The following EYS variants were observed in gnomAD, a reference collection of about 807,000 sequenced individuals.
EYS encodes protein eyes shut homolog.
A neutral mutation model predicts 282.1 loss-of-function variants in EYS; 250 were observed. That is an observed-to-expected ratio of 0.89 (90% CI 0.80 to 0.98). The LOEUF is 0.98. EYS is among the 50% of genes least tolerant of loss of function. The pLI, the probability that EYS is intolerant of heterozygous loss-of-function variation, is 0.00. For synonymous variants in EYS, 1,355 were observed against 1,282.9 expected, an observed-to-expected ratio of 1.06 and a Z score of -1.20; for missense variants, 4,016 against 3,709.0, an observed-to-expected ratio of 1.08 and a Z score of -2.15.
intron 29 of EYS, among the ~76,000 whole-genome samples, chr6:64,361,239 G>A (rs971604583): frequency 6.6e-6 from 1 of 151,306 alleles, no homozygotes; most frequent in South Asian, 2.1e-4. Context: ...TATGTGCAAG[G>A]CCCTGTCCAA....
At chr6:64,038,883 C>T (rs1770252304) in intron 33 of EYS, among the ~76,000 whole-genome samples, 1 of 151,990 alleles carries the variant, frequency 6.6e-6, no homozygotes, top group Non-Finnish European at 1.5e-5. Context: ...TGGCTCACTG[C>T]AACCTCCGCC....
At position 64,310,590 on chromosome 6, in the gene EYS, T is replaced by C. The variant is rs1386194923; in HGVS notation, c.6079-3508A>G. Among the ~76,000 whole-genome samples, 3 of 151,774 alleles carry C rather than the reference T, an allele frequency of 2.0e-5. No homozygotes were observed. In the South Asian group the frequency reaches 6.2e-4, roughly 32 times the overall value. On this transcript the variant is annotated intron_variant, in intron 29 of 42. Transcript: ENST00000503581. ...ACTAGGTCTATTGCCTATTGGAGGGTAGAGGGTGGAAGAAGGGAGAGGATG... is the reference window on the plus strand; with the variant it reads ...ACTAGGTCTATTGCCTATTGGAGGGCAGAGGGTGGAAGAAGGGAGAGGATG...
At chr6:64,923,022 G>A (rs1259876164) in intron 15 of EYS, among the ~76,000 whole-genome samples, 1 of 151,842 alleles carries the variant, frequency 6.6e-6, no homozygotes, top group Non-Finnish European at 1.5e-5. Flanking sequence ...CTTTTTTTGG[G>A]GTGGGACTTT....
intron 14 of EYS, among the ~76,000 whole-genome samples, chr6:64,979,203 T>C (rs559864942): frequency 6.6e-6 from 1 of 151,968 alleles, no homozygotes; most frequent in Admixed American, 6.6e-5. Context: ...ATTCGCTTTA[T>C]TGCAGTAGAC....
chr6:64,350,109 T>C (rs1434300813), intron 29 of EYS, among the ~76,000 whole-genome samples: 1 of 151,546 alleles, frequency 6.6e-6, no homozygotes, highest in Non-Finnish European at 1.5e-5. Flanking sequence ...TAAGTCATTT[T>C]GGCAATTTTA....
intron 2 of EYS, among the ~76,000 whole-genome samples, chr6:65,596,739 T>C (rs1049199931): frequency 6.6e-6 from 1 of 152,114 alleles, no homozygotes; most frequent in Non-Finnish European, 1.5e-5. Flanking sequence ...TACATCATTT[T>C]CTTACTTTTT....
intron 12 of EYS, among the ~76,000 whole-genome samples, chr6:65,226,922 A>G: frequency 6.6e-6 from 1 of 152,274 alleles, no homozygotes; most frequent in Non-Finnish European, 1.5e-5. Flanking sequence ...CAAACAATGG[A>G]ATATTATTCA....
At chr6:64,748,796 G>A (rs1054966380) in intron 22 of EYS, among the ~76,000 whole-genome samples, 8 of 152,206 alleles carry the variant, frequency 5.3e-5, no homozygotes, top group South Asian at 4.2e-4. Flanking sequence ...TTTATGAGAC[G>A]GAGTCTCACT....
At chr6:65,519,687 T>TAC (rs1491125563) in intron 2 of EYS, among the ~76,000 whole-genome samples, 2 of 34,712 alleles carry the variant, frequency 5.8e-5, no homozygotes, top group Non-Finnish European at 9.9e-5. Context: ...CTATAATAAC[T>TAC]ATATATATAT....
At chr6:63,744,864 G>A (rs573995688) in intron 41 of EYS, 37 of 286,932 alleles carry the variant, frequency 1.3e-4, no homozygotes, top group Non-Finnish European at 2.1e-4. Context: ...CACTGCGCCC[G>A]GCCAGATGGG....
intron 30 of EYS, among the ~76,000 whole-genome samples, chr6:64,265,400 T>C (rs1318460506): frequency 1.3e-5 from 2 of 152,130 alleles, no homozygotes; most frequent in African/African-American, 4.8e-5. Flanking sequence ...TAAACTCTGA[T>C]TGGTGAAAGC....
chr6:64,406,642 A>G (rs867542858), intron 28 of EYS, among the ~76,000 whole-genome samples: 13 of 152,302 alleles, frequency 8.5e-5, no homozygotes, highest in Middle Eastern at 3.4e-3. Flanking sequence ...TCAAAAAGTG[A>G]GCGAAGGATA....
At chr6:64,745,496 C>A (rs1427989806) in intron 22 of EYS, among the ~76,000 whole-genome samples, 1 of 151,958 alleles carries the variant, frequency 6.6e-6, no homozygotes, top group Non-Finnish European at 1.5e-5. Flanking sequence ...ATAACCATCA[C>A]CTCTATCAAG....
chr6:65,408,684 C>A (rs1009882856), intron 5 of EYS, among the ~76,000 whole-genome samples: 6 of 151,964 alleles, frequency 3.9e-5, no homozygotes, highest in African/African-American at 1.4e-4. Context: ...TTTTTTGTTT[C>A]ATTGATTTTC....
At position 63,895,901 on chromosome 6, in the gene EYS, ATTTGTTTTTT is replaced by A. The variant is rs1480744791; in HGVS notation, c.7056-31553_7056-31544del. 3.0e-3 allele frequency among the ~76,000 whole-genome samples: 69 copies of A among 22,668 alleles called. 2 individuals carry two copies. In the South Asian group the frequency reaches 0.097, roughly 32 times the overall value. The allele number at this position is 22,668 out of a possible 152,430, so 14.9% of individuals were successfully genotyped here. On this transcript the variant is annotated intron_variant, in intron 35 of 42. Transcript: ENST00000503581. ...TTCTTATTTAATCGTTGAGATCATG[ATTTGTTTTTT>A]TTTTTTTTTTTTTTTTTTTTTTCAG...
At chr6:65,368,576 A>C (rs1351287038) in intron 8 of EYS, among the ~76,000 whole-genome samples, 1 of 151,778 alleles carries the variant, frequency 6.6e-6, no homozygotes, top group African/African-American at 2.4e-5. Flanking sequence ...GAATCCTGTG[A>C]AAGATGCTTC....
intron 2 of EYS, among the ~76,000 whole-genome samples, chr6:65,524,967 C>T (rs1038297128): frequency 1.3e-5 from 2 of 152,100 alleles, no homozygotes; most frequent in Admixed American, 1.3e-4. Context: ...ATGGCTTTAG[C>T]CAGGTCAACC....
At chr6:63,952,602 C>A (rs1230120394) in intron 35 of EYS, among the ~76,000 whole-genome samples, 1 of 144,532 alleles carries the variant, frequency 6.9e-6, no homozygotes, top group Non-Finnish European at 1.6e-5. Flanking sequence ...TTATGCACTC[C>A]TTTTTAGTTA....
At chr6:65,487,218 C>T (rs576574337) in intron 5 of EYS, among the ~76,000 whole-genome samples, 26 of 152,146 alleles carry the variant, frequency 1.7e-4, no homozygotes, top group Non-Finnish European at 2.8e-4. Context: ...ATGTTGAATA[C>T]GAGTGGTGAG....
Sources: gnomAD v4.1 joint callset for allele counts (sites outside exome capture counted in the v4.1 genomes callset) on GRCh38, gnomAD v4.1.1 for gene constraint, MANE v1.5 for transcripts, NCBI Gene and HGNC (gene_info 2026-07-23, HGNC 2026-07-21) for gene names.